IDUA: variants seen among roughly 807,000 people sequenced by gnomAD.
IDUA encodes alpha-L-iduronidase.
IDUA carries 65 observed loss-of-function variants against 68.9 expected under a neutral mutation model. The observed-to-expected ratio is 0.94, with a 90% confidence interval of 0.77 to 1.16. The LOEUF is 1.16. Among genes scored for constraint, IDUA ranks in the 50% most tolerant of loss-of-function variants. The pLI, the probability that IDUA is intolerant of heterozygous loss-of-function variation, is 0.00. For synonymous variants in IDUA, 529 were observed against 433.6 expected (o/e 1.22, Z -2.73); for missense variants, 1,046 against 938.0 (o/e 1.12, Z -1.50).
intron 7 of IDUA, 39 bp downstream of exon 7, chr4:1,002,200 T>C: frequency 2.6e-6 from 4 of 1,567,318 alleles, no homozygotes; most frequent in Middle Eastern, 1.7e-4. Context: ...CCCGGCCACC[T>C]TCCTCCCGAG....
chr4:990,139 C>A (rs1438533264), intron 2 of IDUA: 4 of 1,569,694 alleles, frequency 2.5e-6, no homozygotes, highest in East Asian at 4.7e-5. Flanking sequence ...GCACACCGTG[C>A]TGGTGACCAC....
Position 1,001,806 on chromosome 4 carries a change from C to T in IDUA, c.717C>T (p.Arg239=). ...PRSPLSWGLL[R]HCHDGTNFFT... ...CCCCGCTGAGCTGGGGCCTCCTGCG[C>T]CACTGCCACGACGGTACCAACTTCT... Residue 239 remains arginine, a synonymous_variant, in exon 6 of 14, where the codon CGC becomes CGT. Coordinates refer to ENST00000514224, the MANE Select transcript of IDUA (RefSeq NM_000203.5). The T allele has an allele frequency of 6.2e-7, 1 of 1,604,992 alleles. No homozygotes were observed. The highest frequency in any genetic ancestry group is 1.1e-5 in the South Asian group (1 of 90,210).
rs979452948 is a variant in IDUA at position 1,003,938 on chromosome 4, C to G, written c.1728-74C>G. 3 of 1,234,236 alleles carry G rather than the reference C, an allele frequency of 2.4e-6. No individual in the cohort carries two copies. The South Asian group carries it at 3.6e-5, about 15-fold the overall frequency. 76.5% of individuals were successfully genotyped at this position (1,234,236 alleles called of 1,614,324 possible). ...GAGGGAATGAGGCTGTGGGTCCACG[C>G]GGCCGTGCCCTGCCTGCTCCCACCT... On this transcript the variant is annotated intron_variant, in intron 12 of 13. Coordinates refer to ENST00000514224, the MANE Select transcript of IDUA (RefSeq NM_000203.5).
chr4:989,380 G>A (rs753652881), intron 2 of IDUA: 1 of 1,578,692 alleles, frequency 6.3e-7, no homozygotes, highest in East Asian at 2.3e-5. Flanking sequence ...CTCGTAGAAG[G>A]CCGTGTCCCC....
chr4:994,639 A>G (rs563689099), intron 2 of IDUA, among the ~76,000 whole-genome samples: 8 of 151,960 alleles, frequency 5.3e-5, no homozygotes, highest in South Asian at 2.1e-4. Flanking sequence ...GGGTTTCACC[A>G]TGTTAGCCAG....
intron 2 of IDUA, among the ~76,000 whole-genome samples, chr4:995,729 C>T (rs1288213689): frequency 1.3e-5 from 2 of 152,194 alleles, no homozygotes; most frequent in Admixed American, 6.5e-5. Flanking sequence ...GGAGGAGACC[C>T]TGGACACTCA....
chr4:995,294 C>T (rs1179818763), intron 2 of IDUA, among the ~76,000 whole-genome samples: 6 of 151,832 alleles, frequency 4.0e-5, no homozygotes, highest in Admixed American at 6.6e-5. Flanking sequence ...CCACCCGCCT[C>T]GGCCTCCCAA....
In IDUA at chr4:988,974, G is replaced by C. The variant is rs144040688; in HGVS notation, c.299+1025G>C. 74 of 1,596,430 alleles carry C rather than the reference G, an allele frequency of 4.6e-5. No individual in the cohort carries two copies. In the African/African-American group the frequency reaches 9.8e-4, roughly 21 times the overall value. ...CGAGGAAGCCTCCTCTGCTCAGAATGTCTCTCACAGGCGGGCTGCAGCAGG... is the reference window on the plus strand; with the variant it reads ...CGAGGAAGCCTCCTCTGCTCAGAATCTCTCTCACAGGCGGGCTGCAGCAGG... On this transcript the variant is annotated intron_variant, in intron 2 of 13. Coordinates refer to ENST00000514224, the MANE Select transcript of IDUA (RefSeq NM_000203.5).
chr4:989,615 G>A, intron 2 of IDUA: 1 of 1,601,738 alleles, frequency 6.2e-7, no homozygotes, highest in Non-Finnish European at 8.5e-7. Context: ...ACGCAGGCCA[G>A]CACGCTTCGC....
At chr4:1,000,318 C>T (rs1207837644) in intron 2 of IDUA, among the ~76,000 whole-genome samples, 1 of 152,258 alleles carries the variant, frequency 6.6e-6, no homozygotes, top group Non-Finnish European at 1.5e-5. Flanking sequence ...GCCCCTGCTG[C>T]TCGCGACTGG....
intron 2 of IDUA, among the ~76,000 whole-genome samples, chr4:996,213 T>C (rs1339297303): frequency 3.3e-5 from 5 of 152,232 alleles, no homozygotes; most frequent in African/African-American, 1.2e-4. Context: ...AAGAAGCGGT[T>C]GGCCAGTGGG....
chr4:995,209 TA>T (rs1714673388), intron 2 of IDUA, among the ~76,000 whole-genome samples: 1 of 151,958 alleles, frequency 6.6e-6, no homozygotes, highest in Non-Finnish European at 1.5e-5. Flanking sequence ...CACGCCCGGC[TA>T]ATTTTTGTAT....
intron 2 of IDUA, among the ~76,000 whole-genome samples, chr4:999,196 C>T (rs1050276532): frequency 7.0e-6 from 1 of 143,758 alleles, no homozygotes; most frequent in African/African-American, 2.8e-5. Context: ...CAGAGTGAGA[C>T]TCTGTCTCAA....
At chr4:994,500 T>C (rs562697620) in intron 2 of IDUA, among the ~76,000 whole-genome samples, 13 of 150,610 alleles carry the variant, frequency 8.6e-5, no homozygotes, top group African/African-American at 3.2e-4. Context: ...TACAGTGGCA[T>C]GATCTCGGCT....
intron 2 of IDUA, among the ~76,000 whole-genome samples, chr4:996,681 C>A (rs1714759729): frequency 6.6e-6 from 1 of 152,228 alleles, no homozygotes; most frequent in Admixed American, 6.5e-5. Flanking sequence ...TAGGTGAGGT[C>A]ATCACTGCAG....
At chr4:988,294 A>G in intron 2 of IDUA, 1 of 1,146,034 alleles carries the variant, frequency 8.7e-7, no homozygotes, top group South Asian at 2.7e-5. Context: ...CATCGGTCAC[A>G]GCACCCTGGG....
intron 2 of IDUA, chr4:989,203 T>C: frequency 6.2e-7 from 1 of 1,608,248 alleles, no homozygotes; most frequent in Non-Finnish European, 8.5e-7. Flanking sequence ...GACCCCCGTC[T>C]CTGAGCCCCC....
chr4:999,383 C>T (rs1280325931), intron 2 of IDUA, among the ~76,000 whole-genome samples: 3 of 152,180 alleles, frequency 2.0e-5, no homozygotes, highest in Non-Finnish European at 2.9e-5. Flanking sequence ...CACCAGCTGC[C>T]TCCCTGCTGC....
chr4:991,084 G>A lies in IDUA; in HGVS notation c.299+3135G>A, dbSNP rs199626442. ...CTCGTGGATGGCCAAAACCTAAGGG[G>A]GGGTGCCCTGGGCCCCTCCCTGTGC... is the stretch of plus-strand genomic sequence containing the variant. On this transcript the variant is annotated intron_variant, in intron 2 of 13. Transcript: ENST00000514224. 471 of 1,505,058 alleles carry A rather than the reference G, an allele frequency of 3.1e-4. 3 individuals carry two copies. In the African/African-American group the frequency reaches 6.1e-3, roughly 19 times the overall value. The allele number at this position is 1,505,058 out of a possible 1,614,324, so 93.2% of individuals were successfully genotyped here.
Sources: gnomAD v4.1 joint callset for allele counts (sites outside exome capture counted in the v4.1 genomes callset) on GRCh38, gnomAD v4.1.1 for gene constraint, MANE v1.5 for transcripts, NCBI Gene and HGNC (gene_info 2026-07-23, HGNC 2026-07-21) for gene names.